Variants in LARGE1 observed in about 807,000 individuals in gnomAD.
LARGE1 encodes the protein LARGE xylosyl- and glucuronyltransferase 1.
LARGE1 carries 43 observed loss-of-function variants against 87.6 expected under a neutral mutation model. The ratio of observed to expected loss-of-function variants is 0.49; its 90% CI spans 0.38 to 0.63. The LOEUF is 0.63. LARGE1 is among the 30% of genes least tolerant of loss of function. The pLI is 0.00. For synonymous variants in LARGE1, 434 were observed against 394.6 expected (o/e 1.10, Z -1.18); for missense variants, 802 against 1,000.2 (o/e 0.80, Z 2.67).
chr22:33,283,137 C>T, intron 13 of LARGE1, 65 bp downstream of exon 13: 1 of 1,603,112 alleles, frequency 6.2e-7, no homozygotes, highest in South Asian at 1.1e-5. Context: ...GCTTTGGCAT[C>T]TGGGTTTCCC....
At chr22:33,165,286 T>C (rs916234715) in exon 12 of LARGE1, 1 of 152,190 alleles carries the variant, frequency 6.6e-6, no homozygotes, top group Non-Finnish European at 1.5e-5. Flanking sequence ...AGCATTAAAA[T>C]TGGTGTGCTC....
the LARGE1 span, among the ~76,000 whole-genome samples, chr22:33,127,044 C>T: frequency 6.6e-6 from 1 of 152,196 alleles, no homozygotes; most frequent in African/African-American, 2.4e-5. Context: ...ACTTTAGGTC[C>T]TGAAGCTGCT....
Position 33,304,298 on chromosome 22 carries a change from A to T in LARGE1, c.1661T>A (p.Ile554Asn). Residue 554 changes from isoleucine (I) to asparagine (N), a missense_variant, in exon 12 of 15, where the codon ATC (isoleucine) becomes AAC (asparagine). Physicochemically the swap from Ile to Asn is moderately radical, Grantham distance 149. Coordinates refer to ENST00000397394, the MANE Select transcript of LARGE1 (RefSeq NM_133642.5). ...NLLRNVAMKH[I>N]STPYMFLSDI... ...AGACAGGAACATGTAGGGAGTGCTG[A>T]TGTGCTTCATGGCCACGTTGCGCAG... The T allele has an allele frequency of 6.2e-7, 1 of 1,614,252 alleles. No homozygotes were observed. The highest frequency in any genetic ancestry group is 8.5e-7 in the Non-Finnish European group (1 of 1,180,046).
At chr22:33,176,806 G>T (rs1922898046) in intron 11 of LARGE1, among the ~76,000 whole-genome samples, 2 of 152,110 alleles carry the variant, frequency 1.3e-5, no homozygotes, top group Admixed American at 6.6e-5. Context: ...CTCATTACTG[G>T]ATATATACCC....
the LARGE1 span, among the ~76,000 whole-genome samples, chr22:33,128,593 T>C: frequency 6.7e-6 from 1 of 150,128 alleles, no homozygotes; most frequent in Non-Finnish European, 1.5e-5. Flanking sequence ...GAGAATCTCT[T>C]GAACCCAGAA....
intron 12 of LARGE1, among the ~76,000 whole-genome samples, chr22:33,299,479 T>C (rs988569009): frequency 6.6e-6 from 1 of 152,236 alleles, no homozygotes; most frequent in South Asian, 2.1e-4. Context: ...AGTATCAATA[T>C]ATAGTTTCTC....
At chr22:33,417,260 G>T (rs754919887) in intron 7 of LARGE1, among the ~76,000 whole-genome samples, 1 of 152,120 alleles carries the variant, frequency 6.6e-6, no homozygotes, top group Non-Finnish European at 1.5e-5. Flanking sequence ...CCTAGTATCT[G>T]CTGGACAACT....
At chr22:33,405,943 TC>T (rs1569135676) in intron 7 of LARGE1, among the ~76,000 whole-genome samples, 14 of 152,222 alleles carry the variant, frequency 9.2e-5, no homozygotes, top group African/African-American at 3.4e-4. Flanking sequence ...GAGTCTGGAA[TC>T]TTCGGAAAGA....
chr22:33,894,916 G>C (rs2065093769), intron 1 of LARGE1, among the ~76,000 whole-genome samples: 1 of 152,196 alleles, frequency 6.6e-6, no homozygotes. Context: ...TCCCGGAAGA[G>C]CTTATATACC....
intron 1 of LARGE1, among the ~76,000 whole-genome samples, chr22:33,831,452 G>A (rs960289364): frequency 6.6e-6 from 1 of 152,208 alleles, no homozygotes; most frequent in Non-Finnish European, 1.5e-5. Flanking sequence ...GTGAGAGGGC[G>A]GGGAGCCCTG....
At chr22:33,174,632 T>C (rs1452800022) in intron 11 of LARGE1, among the ~76,000 whole-genome samples, 2 of 151,968 alleles carry the variant, frequency 1.3e-5, no homozygotes, top group Admixed American at 6.6e-5. Context: ...AAGAATCAAA[T>C]AGACACAATA....
At chr22:33,834,995 C>T (rs945198730) in intron 1 of LARGE1, among the ~76,000 whole-genome samples, 1 of 122,128 alleles carries the variant, frequency 8.2e-6, no homozygotes, top group African/African-American at 3.3e-5. Flanking sequence ...AATTTTTGCT[C>T]TAAAGTTTGA....
At chr22:33,353,124 G>A (rs1355206260) in intron 9 of LARGE1, among the ~76,000 whole-genome samples, 1 of 152,194 alleles carries the variant, frequency 6.6e-6, no homozygotes, top group Non-Finnish European at 1.5e-5. Flanking sequence ...CATTCAGGAA[G>A]AACTTCAAAC....
At chr22:33,823,381 G>A (rs762525552) in intron 1 of LARGE1, among the ~76,000 whole-genome samples, 6 of 152,200 alleles carry the variant, frequency 3.9e-5, no homozygotes, top group Admixed American at 6.5e-5. Flanking sequence ...TTTTCATCCT[G>A]TCTTCCCAGA....
intron 2 of LARGE1, chr22:33,750,961 A>T (rs758247280): frequency 3.3e-5 from 5 of 152,268 alleles, no homozygotes; most frequent in Non-Finnish European, 4.4e-5. Context: ...TGAACTTCAA[A>T]GCCCAACAAT....
At chr22:33,458,517 C>T (rs1003986546) in intron 6 of LARGE1, among the ~76,000 whole-genome samples, 11 of 152,000 alleles carry the variant, frequency 7.2e-5, no homozygotes, top group South Asian at 2.1e-4. Context: ...CCACAACCTC[C>T]GCTTCCCGGG....
chr22:33,778,738 C>T (rs1017653095), intron 1 of LARGE1, among the ~76,000 whole-genome samples: 10 of 152,138 alleles, frequency 6.6e-5, no homozygotes, highest in African/African-American at 2.2e-4. Flanking sequence ...GCACCCTCCG[C>T]CTCCTGAGTT....
intron 6 of LARGE1, among the ~76,000 whole-genome samples, chr22:33,516,101 G>A (rs1257894343): frequency 1.3e-5 from 2 of 152,236 alleles, no homozygotes; most frequent in African/African-American, 4.8e-5. Flanking sequence ...GGGAGGGTGT[G>A]AGGGATGCTG....
chr22:33,335,943 C>T (rs115300281), intron 10 of LARGE1, among the ~76,000 whole-genome samples: 1,726 of 152,264 alleles, frequency 0.011, 38 homozygotes, highest in African/African-American at 0.038. Flanking sequence ...GTCTCCTCCA[C>T]CAGAATATAA....
Sources: allele counts gnomAD v4.1 joint callset (sites outside exome capture counted in the v4.1 genomes callset), GRCh38; gene constraint gnomAD v4.1.1; transcripts MANE v1.5; gene names NCBI Gene and HGNC (gene_info 2026-07-23, HGNC 2026-07-21).